The following TPPP variants were observed in gnomAD, a reference collection of about 807,000 sequenced individuals.
TPPP encodes tubulin polymerization promoting protein.
In TPPP, 6 loss-of-function variants were observed where a neutral mutation model predicts 15.5. That is an observed-to-expected ratio of 0.39 (90% confidence interval 0.21 to 0.77). The LOEUF is 0.77. Among genes scored for constraint, TPPP ranks in the 30% least tolerant of loss-of-function variants. The pLI, the probability that TPPP is intolerant of heterozygous loss-of-function variation, is 0.42. For missense variants in TPPP, 269 were observed against 307.2 expected, an observed-to-expected ratio of 0.88 and a Z score of 0.93; for synonymous variants, 146 against 133.9, an observed-to-expected ratio of 1.09 and a Z score of -0.63.
At chr5:682,627 C>A (rs374433063) in intron 1 of TPPP, among the ~76,000 whole-genome samples, 8 of 74,900 alleles carry the variant, frequency 1.1e-4, no homozygotes, top group East Asian at 9.0e-4. Flanking sequence ...CTGTCACTAG[C>A]GCCAGGGGTC....
At chr5:691,637 C>T (rs1213457667) in intron 1 of TPPP, among the ~76,000 whole-genome samples, 6 of 23,464 alleles carry the variant, frequency 2.6e-4, no homozygotes, top group Non-Finnish European at 5.2e-4. Flanking sequence ...ATCAAAACAG[C>T]AGCCCCCAAC....
Position 663,429 on chromosome 5 carries a change from C to T in TPPP, c.*1673G>A, listed in dbSNP as rs1462532912. 6.6e-6 allele frequency: 1 copy of T among 152,442 alleles called. No individual in the cohort carries two copies. Among genetic ancestry groups the T allele is most frequent in the African/African-American group, 2.4e-5 (1 of 41,454 alleles). The allele number at this position is 152,442 out of a possible 1,614,324, so 9.4% of individuals were successfully genotyped here. Reference sequence around the variant, plus strand: ...CTTTATTTCCAGGCACTGAACTTCCCAGCCCTGCCGTGGAAGCTGCCTGCC... The same window carrying T: ...CTTTATTTCCAGGCACTGAACTTCCTAGCCCTGCCGTGGAAGCTGCCTGCC... On this transcript the variant is annotated 3_prime_UTR_variant, in exon 4 of 4. Coordinates refer to ENST00000360578, the MANE Select transcript of TPPP (RefSeq NM_007030.3).
intron 1 of TPPP, among the ~76,000 whole-genome samples, chr5:679,546 C>G (rs1282444353): frequency 6.6e-6 from 1 of 152,146 alleles, no homozygotes; most frequent in South Asian, 2.1e-4. Flanking sequence ...CAGGCCTGGT[C>G]TGTGTTTCCC....
rs59046279 is a variant in TPPP at position 683,617 on chromosome 5, G to C, written c.-4-5553C>G. ...GCAGGATGCCCCTGGCAGGGGCCAT[G>C]CTGGCTCAGACGCCTCTCACCAACC... On this transcript the variant is annotated intron_variant, in intron 1 of 3. Transcript: ENST00000360578. Among the ~76,000 whole-genome samples the C allele has an allele frequency of 3.6e-3, 541 of 152,358 alleles. 16 individuals are homozygous for C. In the East Asian group the frequency reaches 0.086, roughly 24 times the overall value.
At chr5:691,746 C>CT (rs1320712402) in intron 1 of TPPP, among the ~76,000 whole-genome samples, 2 of 61,162 alleles carry the variant, frequency 3.3e-5, no homozygotes, top group East Asian at 1.2e-3. Context: ...CAGCAGCCCC[C>CT]AACCCCCATC....
Position 663,278 on chromosome 5 carries a change from T to G in TPPP, c.*1824A>C, listed in dbSNP as rs1416143981. The G allele has an allele frequency of 6.6e-6, 1 of 152,488 alleles. No individual in the cohort carries two copies. Among genetic ancestry groups the G allele is most frequent in the African/African-American group, 2.4e-5 (1 of 41,468 alleles). The allele number at this position is 152,488 out of a possible 1,614,324, so 9.4% of individuals were successfully genotyped here. On this transcript the variant is annotated 3_prime_UTR_variant, in exon 4 of 4. Coordinates refer to ENST00000360578, the MANE Select transcript of TPPP (RefSeq NM_007030.3). ...ATGTTTCCGCACGTTAGTTCTGCCT[T>G]TCACACGCGGTCCAGCCAGGTTCAG...
intron 1 of TPPP, among the ~76,000 whole-genome samples, chr5:679,471 G>C (rs1229302561): frequency 1.3e-5 from 2 of 150,970 alleles, no homozygotes; most frequent in African/African-American, 4.9e-5. Context: ...GTCAGGTGTC[G>C]AGCTGGGAAC....
At chr5:676,386 G>A (rs1366406756) in intron 2 of TPPP, 1 of 152,234 alleles carries the variant, frequency 6.6e-6, no homozygotes, top group East Asian at 1.9e-4. Context: ...CCCAGAGCTG[G>A]TAGATGGGGC....
rs1269343274 is a variant in TPPP at position 661,386 on chromosome 5, C to G, written c.*3716G>C. The G allele has an allele frequency of 6.7e-6, 1 of 148,432 alleles. No individual in the cohort carries two copies. The highest frequency in any genetic ancestry group is 1.5e-5 in the Non-Finnish European group (1 of 67,532). The allele number at this position is 148,432 out of a possible 1,614,324, so 9.2% of individuals were successfully genotyped here. ...AGAACCTGTCCCTGTGTCCTCGTGTCACCCATGACAGAACCTGTCCCTGTG... is the reference window on the plus strand; with the variant it reads ...AGAACCTGTCCCTGTGTCCTCGTGTGACCCATGACAGAACCTGTCCCTGTG... On this transcript the variant is annotated 3_prime_UTR_variant, in exon 4 of 4. Coordinates refer to ENST00000360578, the MANE Select transcript of TPPP (RefSeq NM_007030.3).
At chr5:693,083 G>C (rs1234330776) in intron 1 of TPPP, among the ~76,000 whole-genome samples, 195 bp downstream of exon 1, 27 of 140,660 alleles carry the variant, frequency 1.9e-4, no homozygotes, top group Admixed American at 1.6e-3. Context: ...TCCTCGCACC[G>C]AGCCCGCAGC....
intron 2 of TPPP, among the ~76,000 whole-genome samples, chr5:669,287 AGCCG>A (rs1740097439): frequency 2.0e-5 from 3 of 147,524 alleles, no homozygotes; most frequent in South Asian, 2.2e-4. Context: ...GAGCCCGGTG[AGCCG>A]GAGGTGCCCT....
rs1005127198 is a variant in TPPP, at chr5:664,999, C to T, written c.*103G>A. On this transcript the variant is annotated 3_prime_UTR_variant, in exon 4 of 4. Coordinates refer to ENST00000360578, the MANE Select transcript of TPPP (RefSeq NM_007030.3). Reference sequence around the variant, plus strand: ...GCCCCCCAGCCCCCTCTGGGGCACCCGTCTGAGTTCTGCCCCAGTTAGTAC... The same window carrying T: ...GCCCCCCAGCCCCCTCTGGGGCACCTGTCTGAGTTCTGCCCCAGTTAGTAC... 2.7e-5 allele frequency: 37 copies of T among 1,393,766 alleles called. No homozygotes were observed. Among genetic ancestry groups the T allele is most frequent in the Non-Finnish European group, 3.3e-5 (34 of 1,027,792 alleles). The allele number at this position is 1,393,766 out of a possible 1,614,324, so 86.3% of individuals were successfully genotyped here. A position where few individuals can be genotyped will look rare whatever the true frequency, so the allele number is the denominator to read the frequency against.
chr5:692,142 CATCAAAACAGCAGCCCCCAACCACCT>C lies in TPPP; in HGVS notation c.-5+1110_-5+1135del, dbSNP rs1304321059. Among the ~76,000 whole-genome samples the C allele has an allele frequency of 6.7e-5, 7 of 104,466 alleles. No individual in the cohort carries two copies. The South Asian group carries it at 2.9e-3, about 43-fold the overall frequency. The allele number at this position is 104,466 out of a possible 152,430, so 68.5% of individuals were successfully genotyped here. The stretch of plus-strand genomic sequence containing the variant: ...ATCAAAACAGCAGCCCCCCAGACCC[CATCAAAACAGCAGCCCCCAACCACCT>C]ATCAAAACAGCAGCCCCCAACCCCT... On this transcript the variant is annotated intron_variant, in intron 1 of 3. Transcript: ENST00000360578.
At chr5:672,919 C>T (rs910751099) in intron 2 of TPPP, among the ~76,000 whole-genome samples, 2 of 152,246 alleles carry the variant, frequency 1.3e-5, no homozygotes, top group African/African-American at 4.8e-5. Context: ...CAAGCGCTGC[C>T]ATGGCAACGA....
upstream of TPPP, chr5:693,369 GCCC>G: frequency 6.8e-6 from 1 of 147,680 alleles, no homozygotes; most frequent in South Asian, 1.8e-4. Flanking sequence ...GCCGCCCCGC[GCCC>G]GCCCGTCCCG....
intron 2 of TPPP, 132 bp downstream of exon 2, chr5:677,618 G>T: frequency 1.2e-6 from 1 of 811,758 alleles, no homozygotes; most frequent in Non-Finnish European, 1.8e-6. Context: ...GGCTGCTTCT[G>T]AGAAGGGCGG....
rs780914284 is a variant in TPPP, at chr5:664,324, C to T, written c.*778G>A. Reference sequence around the variant, plus strand: ...CGGACATTCTGAATCTTCCCAGACCCGCTCTGAGAACATAGGCAGCCACCG... The same window carrying T: ...CGGACATTCTGAATCTTCCCAGACCTGCTCTGAGAACATAGGCAGCCACCG... On this transcript the variant is annotated 3_prime_UTR_variant, in exon 4 of 4. Transcript: ENST00000360578. 6.6e-6 allele frequency: 1 copy of T among 152,468 alleles called. No homozygotes were observed. 9.4% of individuals were successfully genotyped at this position (152,468 alleles called of 1,614,324 possible). A position where few individuals can be genotyped will look rare whatever the true frequency, so the allele number is the denominator to read the frequency against.
intron 2 of TPPP, among the ~76,000 whole-genome samples, chr5:675,550 G>C (rs114965154): frequency 0.017 from 2,444 of 145,718 alleles, 60 homozygotes; most frequent in African/African-American, 0.059. Flanking sequence ...CCGTGTGGCC[G>C]GGGGTGCAGT....
At chr5:684,525 C>T (rs402286) in intron 1 of TPPP, among the ~76,000 whole-genome samples, 1 of 151,362 alleles carries the variant, frequency 6.6e-6, no homozygotes, top group East Asian at 2.0e-4. Flanking sequence ...ACTCTCACAG[C>T]GGAAGGAGTG....
Sources: allele counts gnomAD v4.1 joint callset (sites outside exome capture counted in the v4.1 genomes callset), GRCh38; gene constraint gnomAD v4.1.1; transcripts MANE v1.5; gene names NCBI Gene and HGNC (gene_info 2026-07-23, HGNC 2026-07-21).